Variants in AHRR observed in about 807,000 individuals in gnomAD.
AHRR encodes the protein aryl hydrocarbon receptor repressor.
Under a neutral mutation model 44.0 loss-of-function variants are expected in AHRR, and 28 were observed. That is an observed-to-expected ratio of 0.64 (90% CI 0.47 to 0.87). The LOEUF is 0.87. AHRR is among the 40% of genes least tolerant of loss of function. AHRR has a pLI of 0.00. For synonymous variants in AHRR, 434 were observed against 407.0 expected, an observed-to-expected ratio of 1.07 and a Z score of -0.80; for missense variants, 990 against 953.9, an observed-to-expected ratio of 1.04 and a Z score of -0.50.
intron 3 of AHRR, among the ~76,000 whole-genome samples, chr5:371,097 C>T (rs1461497722): frequency 6.6e-6 from 1 of 152,170 alleles, no homozygotes. Context: ...AAATTCCCGC[C>T]TGTGGCCGGA....
chr5:366,243 G>T (rs1051613994), intron 3 of AHRR, among the ~76,000 whole-genome samples: 2 of 152,116 alleles, frequency 1.3e-5, no homozygotes, highest in Admixed American at 1.3e-4. Flanking sequence ...AAGGTACTTT[G>T]TACTTACCTC....
At chr5:371,181 C>T (rs1743569265) in intron 3 of AHRR, among the ~76,000 whole-genome samples, 2 of 152,198 alleles carry the variant, frequency 1.3e-5, no homozygotes, top group Non-Finnish European at 2.9e-5. Context: ...CTAGTTCTCT[C>T]CAGCCCCCCA....
Position 432,862 on chromosome 5 carries a change from C to G in AHRR, c.1027C>G (p.Arg343Gly). 1 of 1,613,802 alleles carries G rather than the reference C, an allele frequency of 6.2e-7. No individual in the cohort carries two copies. Among genetic ancestry groups the G allele is most frequent in the Non-Finnish European group, 8.5e-7 (1 of 1,180,026 alleles). ...GCTCAGGGAACAGACTGACGCTGGC[C>G]GATGGGCACAGGTTCCCGCCAGGGC... ...LVLREQTDAG[R>G]WAQVPARAPC... Residue 343 changes from arginine (R) to glycine (G), a missense_variant, in exon 10 of 11, where the codon CGA becomes GGA. Arg to Gly is a moderately radical substitution (Grantham distance 125). Coordinates refer to ENST00000684583, the MANE Select transcript of AHRR (RefSeq NM_001377236.1).
Position 326,824 on chromosome 5 carries a change from T to A in AHRR, c.-11+5005T>A, listed in dbSNP as rs936520211. Among the ~76,000 whole-genome samples the A allele has an allele frequency of 6.6e-6, 1 of 152,132 alleles. No individual in the cohort carries two copies. The highest frequency in any genetic ancestry group is 2.4e-5 in the African/African-American group (1 of 41,426). On this transcript the variant is annotated intron_variant, in intron 1 of 10. Transcript: ENST00000684583. This position sits in a 1 kb window ranked among gnomAD's most constrained non-coding sequence, Gnocchi z 4.1. ...CTGTAATCCCTGCACTTTGGGAGGC[T>A]GAGGCAGGCGGATCACTTGAGGTCG...
At chr5:376,557 A>ATGTGAATGAATGAGAACCGTGGGGTGAAC in intron 3 of AHRR, 53 bp from the exon 4 acceptor site, 2 of 1,423,184 alleles carry the variant, frequency 1.4e-6, no homozygotes, top group Non-Finnish European at 1.9e-6. Flanking sequence ...AATGAAGAAG[A>ATGTGAATGAATGAGAACCGTGGGGTGAAC]GTGGCCAGGC....
chr5:400,144 AG>A (rs1218005865), intron 4 of AHRR, among the ~76,000 whole-genome samples: 1 of 152,216 alleles, frequency 6.6e-6, no homozygotes, highest in Non-Finnish European at 1.5e-5. Context: ...CTTTACTCCG[AG>A]GAGGGGCAGC....
In AHRR at chr5:434,971, A is replaced by AGT. The variant is rs1171879763; in HGVS notation, c.*147_*148dup. The AGT allele has an allele frequency of 1.4e-5, 17 of 1,245,538 alleles. No individual in the cohort carries two copies. The highest frequency in any genetic ancestry group is 2.8e-5 in the Admixed American group (1 of 35,658). The allele number at this position is 1,245,538 out of a possible 1,614,324, so 77.2% of individuals were successfully genotyped here. On this transcript the variant is annotated 3_prime_UTR_variant, in exon 11 of 11. Coordinates refer to ENST00000684583, the MANE Select transcript of AHRR (RefSeq NM_001377236.1). The stretch of plus-strand genomic sequence containing the variant: ...CAGAGCTGTGCATGCGCAGTCTGCT[A>AGT]GTGTGTGTGTGCAGCATACGCAGGA...
chr5:400,624 G>C (rs1243621556), intron 4 of AHRR, among the ~76,000 whole-genome samples: 1 of 152,136 alleles, frequency 6.6e-6, no homozygotes, highest in Non-Finnish European at 1.5e-5. Flanking sequence ...AGACGTTCGA[G>C]ATGCATATTT....
chr5:426,837 AAACATGGATAGATGGATGGATGGG>A, intron 7 of AHRR, among the ~76,000 whole-genome samples: 1 of 149,382 alleles, frequency 6.7e-6, no homozygotes, highest in African/African-American at 2.5e-5. Flanking sequence ...GGATGGGTGG[AAACATGGATAGATGGATGGATGGG>A]TGGATGGATG....
Position 321,737 on chromosome 5 carries a change from C to A in AHRR, c.-93C>A, listed in dbSNP as rs1741498719. 1 of 151,144 alleles carries A rather than the reference C, an allele frequency of 6.6e-6. No homozygotes were observed. Among genetic ancestry groups the A allele is most frequent in the South Asian group, 2.1e-4 (1 of 4,822 alleles). The allele number at this position is 151,144 out of a possible 1,614,324, so 9.4% of individuals were successfully genotyped here. On this transcript the variant is annotated 5_prime_UTR_variant, in exon 1 of 11. Coordinates refer to ENST00000684583, the MANE Select transcript of AHRR (RefSeq NM_001377236.1). This position sits in a 1 kb window ranked among gnomAD's most constrained non-coding sequence, Gnocchi z 8.3. ...CCGCCGCGGGTTCCCGGGATGCGAG[C>A]GCCGGCACCCGCCGCCACAGCTCCT...
Position 339,764 on chromosome 5 carries a change from G to A in AHRR, c.-10-4129G>A, listed in dbSNP as rs531556976. The stretch of plus-strand genomic sequence containing the variant: ...TGGAAAAATTGTTATGAATGGATTT[G>A]GATTTTGTCAAATGCTTTTCTGAAA... On this transcript the variant is annotated intron_variant, in intron 1 of 10. Transcript: ENST00000684583. 1.7e-3 allele frequency among the ~76,000 whole-genome samples: 258 copies of A among 152,056 alleles called. 2 individuals carry two copies. The highest frequency in any genetic ancestry group is 5.8e-3 in the African/African-American group (241 of 41,476).
At chr5:371,867 C>T (rs1743591903) in intron 3 of AHRR, among the ~76,000 whole-genome samples, 1 of 152,160 alleles carries the variant, frequency 6.6e-6, no homozygotes, top group Non-Finnish European at 1.5e-5. Flanking sequence ...GAGTTCTGTC[C>T]CTTCCAACGA....
chr5:331,032 A>G (rs4957021), intron 1 of AHRR, among the ~76,000 whole-genome samples: 58,278 of 151,570 alleles, frequency 0.38, 12,668 homozygotes, highest in South Asian at 0.51. Context: ...GCGTGCCACC[A>G]TGCCCAGCTA....
chr5:374,863 C>T (rs959741847), intron 3 of AHRR, among the ~76,000 whole-genome samples: 5 of 152,244 alleles, frequency 3.3e-5, no homozygotes, highest in African/African-American at 1.2e-4. Context: ...GTCCAGCAGC[C>T]GGTTCCGGGG....
chr5:333,805 T>C (rs950687005), intron 1 of AHRR, among the ~76,000 whole-genome samples: 3 of 152,202 alleles, frequency 2.0e-5, no homozygotes, highest in African/African-American at 7.2e-5. Flanking sequence ...CGTCTGTGAT[T>C]GCTTTATGAG....
intron 7 of AHRR, 185 bp from the exon 8 acceptor site, chr5:427,622 C>G: frequency 6.2e-7 from 1 of 1,612,536 alleles, no homozygotes; most frequent in Non-Finnish European, 8.5e-7. Context: ...TCAAGCACAT[C>G]GAATCACTCT....
intron 10 of AHRR, 119 bp from the exon 11 acceptor site, chr5:433,734 C>A: frequency 8.3e-7 from 1 of 1,207,158 alleles, no homozygotes; most frequent in Non-Finnish European, 1.1e-6. Context: ...GTCGGTGTAG[C>A]AGCCTTGGCA....
chr5:429,109 G>A (rs531086734), intron 8 of AHRR, among the ~76,000 whole-genome samples: 2 of 152,346 alleles, frequency 1.3e-5, no homozygotes, highest in Admixed American at 6.5e-5. Flanking sequence ...AATGTGTTAA[G>A]TCTGCCTTGC....
At chr5:329,500 C>G (rs1360244127) in intron 1 of AHRR, among the ~76,000 whole-genome samples, 1 of 152,270 alleles carries the variant, frequency 6.6e-6, no homozygotes, top group African/African-American at 2.4e-5. Context: ...GCTACCATGC[C>G]CAGCCTGAGA....
Sources: allele counts gnomAD v4.1 joint callset (sites outside exome capture counted in the v4.1 genomes callset), GRCh38; gene constraint gnomAD v4.1.1; non-coding constraint Gnocchi (gnomAD v3.1); transcripts MANE v1.5; gene names NCBI Gene and HGNC (gene_info 2026-07-23, HGNC 2026-07-21).